Variants in PDGFRL observed in about 807,000 individuals in gnomAD.
The protein encoded by PDGFRL is platelet derived growth factor receptor like, also known as platelet-derived growth factor receptor-like protein.
PDGFRL carries 46 observed loss-of-function variants against 37.2 expected under a neutral mutation model. The ratio of observed to expected loss-of-function variants is 1.24; its 90% CI spans 0.98 to 1.58. The LOEUF is 1.58. Ranked by LOEUF, PDGFRL falls within the 40% of genes most tolerant of loss-of-function variation. PDGFRL has a pLI of 0.00. For synonymous variants in PDGFRL, 251 were observed against 184.3 expected (o/e 1.36, Z -2.93); for missense variants, 692 against 467.6 (o/e 1.48, Z -4.43).
intron 5 of PDGFRL, among the ~76,000 whole-genome samples, chr8:17,634,901 A>G (rs531845881): frequency 2.0e-5 from 3 of 152,228 alleles, no homozygotes; most frequent in Admixed American, 2.0e-4. Context: ...TGAGGAAATG[A>G]TCTGTCATTT....
intron 4 of PDGFRL, among the ~76,000 whole-genome samples, chr8:17,630,551 C>T (rs979264566): frequency 7.9e-5 from 12 of 152,198 alleles, no homozygotes; most frequent in Non-Finnish European, 1.5e-4. Flanking sequence ...TCATCCAAGC[C>T]TGCTTTCTGC....
In PDGFRL at chr8:17,632,821, C is replaced by T. The variant is rs916354497; in HGVS notation, c.800-1253C>T. ...TCCGCCACTGCCTCTCACCCAGGGC[C>T]ATGAACATGGGCATTCCCAGCCTGC... On this transcript the variant is annotated intron_variant, in intron 4 of 5. Coordinates refer to ENST00000251630, the MANE Select transcript of PDGFRL (RefSeq NM_001372073.1). Among the ~76,000 whole-genome samples the T allele has an allele frequency of 5.2e-4, 79 of 152,244 alleles. 1 individual carries two copies. The highest frequency in any genetic ancestry group is 9.1e-4 in the Non-Finnish European group (62 of 68,018).
intron 2 of PDGFRL, among the ~76,000 whole-genome samples, chr8:17,595,090 T>A (rs949065521): frequency 3.9e-5 from 6 of 152,130 alleles, no homozygotes; most frequent in Non-Finnish European, 5.9e-5. Flanking sequence ...AGCAGTGAGA[T>A]TTGCCAGCAC....
At chr8:17,598,395 A>T (rs1804097706) in intron 2 of PDGFRL, among the ~76,000 whole-genome samples, 1 of 152,168 alleles carries the variant, frequency 6.6e-6, no homozygotes, top group African/African-American at 2.4e-5. Flanking sequence ...TTGAGGGCAA[A>T]TAACACATCT....
At chr8:17,637,428 C>T (rs1804994903) in intron 5 of PDGFRL, among the ~76,000 whole-genome samples, 1 of 152,136 alleles carries the variant, frequency 6.6e-6, no homozygotes, top group Non-Finnish European at 1.5e-5. Context: ...CCCATTTGAT[C>T]ATGGTGGACT....
intron 3 of PDGFRL, among the ~76,000 whole-genome samples, chr8:17,622,890 C>T (rs549151924): frequency 7.6e-4 from 116 of 152,226 alleles, no homozygotes; most frequent in Non-Finnish European, 1.4e-3. Flanking sequence ...TGAGTCACTC[C>T]ACGTTGATTT....
At chr8:17,624,490 C>G (rs923659126) in intron 3 of PDGFRL, among the ~76,000 whole-genome samples, 1 of 152,154 alleles carries the variant, frequency 6.6e-6, no homozygotes. Context: ...ATAAATTATC[C>G]TTAAGCAAAC....
At chr8:17,641,124 C>G (rs577553003) in intron 5 of PDGFRL, among the ~76,000 whole-genome samples, 3 of 152,184 alleles carry the variant, frequency 2.0e-5, no homozygotes, top group Non-Finnish European at 4.4e-5. Context: ...TCCCTCTGTC[C>G]CTGCCAACAG....
chr8:17,626,305 C>T (rs1262908559), intron 3 of PDGFRL, among the ~76,000 whole-genome samples: 1 of 152,144 alleles, frequency 6.6e-6, no homozygotes, highest in South Asian at 2.1e-4. Context: ...ACAAAGGTAC[C>T]CCTTACCTAA....
intron 1 of PDGFRL, among the ~76,000 whole-genome samples, chr8:17,586,674 C>G (rs909656980): frequency 2.6e-5 from 4 of 152,070 alleles, no homozygotes; most frequent in African/African-American, 9.7e-5. Context: ...AGCTAGCAAT[C>G]ACTTACTGTA....
At chr8:17,636,830 C>T (rs1400933635) in intron 5 of PDGFRL, among the ~76,000 whole-genome samples, 1 of 152,098 alleles carries the variant, frequency 6.6e-6, no homozygotes, top group African/African-American at 2.4e-5. Flanking sequence ...AGGTCTTTCA[C>T]CTCCTTGATT....
In PDGFRL at chr8:17,584,103, G is replaced by T. The variant is rs1563503434; in HGVS notation, c.56-5365G>T. 4.6e-5 allele frequency among the ~76,000 whole-genome samples: 7 copies of T among 152,286 alleles called. 1 individual carries two copies. The highest frequency in any genetic ancestry group is 4.6e-4 in the Admixed American group (7 of 15,298). On this transcript the variant is annotated intron_variant, in intron 1 of 5. Transcript: ENST00000251630. The stretch of plus-strand genomic sequence containing the variant: ...GTATCAGTGGATGGAAGGAAAAGAG[G>T]CTGAGTTCAGGGTCTGTTTTCAAGA...
intron 1 of PDGFRL, among the ~76,000 whole-genome samples, chr8:17,580,356 T>C (rs1167118393): frequency 6.6e-6 from 1 of 152,164 alleles, no homozygotes; most frequent in Non-Finnish European, 1.5e-5. Flanking sequence ...AGTACAGAAA[T>C]ATTTTAATGA....
At chr8:17,638,751 ATATATATATATATATATATATATAT>A (rs1469682840) in intron 5 of PDGFRL, among the ~76,000 whole-genome samples, 2 of 55,384 alleles carry the variant, frequency 3.6e-5, no homozygotes, top group Admixed American at 1.4e-4. Context: ...ATATATATAT[ATATATATATATATATATATATATAT>A]ATATATATAT....
chr8:17,586,582 A>G (rs1036284062), intron 1 of PDGFRL, among the ~76,000 whole-genome samples: 1 of 152,188 alleles, frequency 6.6e-6, no homozygotes, highest in Non-Finnish European at 1.5e-5. Flanking sequence ...TATACATTAA[A>G]GAGACTAATA....
Position 17,631,994 on chromosome 8 carries a change from C to G in PDGFRL, c.800-2080C>G, listed in dbSNP as rs545394416. Among the ~76,000 whole-genome samples the G allele has an allele frequency of 2.0e-5, 3 of 152,306 alleles. No individual in the cohort carries two copies. In the South Asian group the frequency reaches 6.2e-4, roughly 32 times the overall value. On this transcript the variant is annotated intron_variant, in intron 4 of 5. Coordinates refer to ENST00000251630, the MANE Select transcript of PDGFRL (RefSeq NM_001372073.1). ...TCAGGTCCACGTGTCCGCCGTCCAC[C>G]TCAGGTGTGCAATGAGATGCTTCGG... is the stretch of plus-strand genomic sequence containing the variant.
chr8:17,620,985 G>A, intron 2 of PDGFRL, 66 bp from the exon 3 acceptor site: 1 of 1,243,114 alleles, frequency 8.0e-7, no homozygotes, highest in Admixed American at 2.2e-5. Flanking sequence ...GTGGAGCCGA[G>A]TGTGACAGCT....
chr8:17,638,546 T>C (rs966534653), intron 5 of PDGFRL, among the ~76,000 whole-genome samples: 1 of 151,746 alleles, frequency 6.6e-6, no homozygotes, highest in Non-Finnish European at 1.5e-5. Context: ...GTTCTACAAA[T>C]AGCCCTTAAG....
chr8:17,601,286 C>G (rs1804160799), intron 2 of PDGFRL, among the ~76,000 whole-genome samples: 1 of 152,138 alleles, frequency 6.6e-6, no homozygotes, highest in African/African-American at 2.4e-5. Flanking sequence ...CAGCATGCCC[C>G]AGGTCCTCCA....
Sources: allele counts gnomAD v4.1 joint callset (sites outside exome capture counted in the v4.1 genomes callset), GRCh38; gene constraint gnomAD v4.1.1; transcripts MANE v1.5; gene names NCBI Gene and HGNC (gene_info 2026-07-23, HGNC 2026-07-21).